Variants in ARMC9 observed in about 807,000 individuals in gnomAD.
ARMC9 encodes armadillo repeat containing 9, also known as lisH domain-containing protein ARMC9.
In ARMC9, 94 loss-of-function variants were observed where a neutral mutation model predicts 107.0. The ratio of observed to expected loss-of-function variants is 0.88; its 90% confidence interval spans 0.74 to 1.04. The LOEUF (loss-of-function observed/expected upper bound fraction) is 1.04. Among genes scored for constraint, ARMC9 ranks in the 50% least tolerant of loss-of-function variants. The pLI is 0.00. For synonymous variants in ARMC9, 380 were observed against 396.9 expected (o/e 0.96, Z 0.51); for missense variants, 942 against 1,030.1 (o/e 0.91, Z 1.17).
At chr2:231,313,358 A>G (rs2042463479) in intron 19 of ARMC9, among the ~76,000 whole-genome samples, 2 of 152,350 alleles carry the variant, frequency 1.3e-5, no homozygotes, top group South Asian at 2.1e-4. Flanking sequence ...GTCTTTTAAT[A>G]TAAAGTACTT....
At chr2:231,271,111 C>A in intron 13 of ARMC9, 39 bp downstream of exon 13, 1 of 1,590,430 alleles carries the variant, frequency 6.3e-7, no homozygotes, top group South Asian at 1.1e-5. Flanking sequence ...AGAGCTAGGT[C>A]ATATTGATGT....
chr2:231,222,139 G>GT, intron 5 of ARMC9, among the ~76,000 whole-genome samples: 1 of 152,206 alleles, frequency 6.6e-6, no homozygotes, highest in South Asian at 2.1e-4. Flanking sequence ...TACTTGTTAT[G>GT]TTTTTTCTTA....
intron 21 of ARMC9, among the ~76,000 whole-genome samples, chr2:231,348,179 G>A (rs1047767440): frequency 1.3e-5 from 2 of 152,168 alleles, no homozygotes; most frequent in Non-Finnish European, 2.9e-5. Flanking sequence ...GGATGATTCT[G>A]GATAATCTGG....
At chr2:231,223,618 C>T (rs774301163) in intron 6 of ARMC9, among the ~76,000 whole-genome samples, 44 of 152,170 alleles carry the variant, frequency 2.9e-4, no homozygotes, top group Non-Finnish European at 1.2e-4. Flanking sequence ...TACTTTGCTG[C>T]GTAATACCTT....
At chr2:231,306,732 C>A (rs897539355) in intron 19 of ARMC9, among the ~76,000 whole-genome samples, 1 of 151,516 alleles carries the variant, frequency 6.6e-6, no homozygotes, top group Non-Finnish European at 1.5e-5. Context: ...CCAAGTGAGG[C>A]CTAAGAACTC....
chr2:231,235,199 T>A (rs1028932418), intron 7 of ARMC9, 25 bp from the exon 8 acceptor site: 1 of 1,594,806 alleles, frequency 6.3e-7, no homozygotes, highest in Non-Finnish European at 8.5e-7. Context: ...TTTATTGATG[T>A]TGTTTGTTTT....
chr2:231,239,037 C>A (rs1296790177), intron 8 of ARMC9, among the ~76,000 whole-genome samples: 1 of 152,120 alleles, frequency 6.6e-6, no homozygotes, highest in East Asian at 1.9e-4. Context: ...GAAGTTCCCC[C>A]AGGTGGAATC....
In ARMC9 at chr2:231,208,183, A is replaced by G. The variant is rs1559286793; in HGVS notation, c.108A>G (p.Lys36=). 6.2e-7 allele frequency: 1 copy of G among 1,609,530 alleles called. No individual in the cohort carries two copies. Among genetic ancestry groups the G allele is most frequent in the Non-Finnish European group, 8.5e-7 (1 of 1,177,896 alleles). ...TGAAAACATTTTCAAAAGAATGCAA[A>G]ATAAAAGGAAAACCATTGTGTAAAA... The part of the protein sequence containing the change: ...DTLKTFSKEC[K]IKGKPLCKTV... The change falls in exon 3 of 25, where the codon AAA becomes AAG. Residue 36 remains lysine, a synonymous_variant. Transcript: ENST00000611582.
chr2:231,244,933 G>A (rs2036617585), intron 9 of ARMC9, among the ~76,000 whole-genome samples: 1 of 152,248 alleles, frequency 6.6e-6, no homozygotes, highest in Non-Finnish European at 1.5e-5. Context: ...CCTCTCTGGA[G>A]AGGAAGTCTC....
rs762171690 is a variant in ARMC9 at position 231,215,000 on chromosome 2, C to T, written c.347C>T (p.Pro116Leu). ...CTTTTGAAGTACTCTGTGGGGAGAC[C>T]GGTGGGTTTACCTGGTGATGCGGGT... is the stretch of plus-strand genomic sequence containing the variant. Reference protein sequence around the residue: ...IYLLKYSVGRPDKEELDEKIS... With the variant: ...IYLLKYSVGRLDKEELDEKIS... The change falls in exon 4 of 25, where the codon CCG (proline) becomes CTG (leucine). Residue 116 changes from proline to leucine, a missense_variant and splice_region_variant. By Grantham distance (98) the Pro-to-Leu change is moderately conservative. Transcript: ENST00000611582. 2.4e-5 allele frequency: 38 copies of T among 1,613,666 alleles called. 1 individual carries two copies. In the Admixed American group the frequency reaches 5.0e-4, roughly 21 times the overall value.
In ARMC9 at chr2:231,251,189, T is replaced by C. The variant is rs190683125; in HGVS notation, c.880-5397T>C. The stretch of plus-strand genomic sequence containing the variant: ...TGTTTCTTTTCCTTTTTTTTTGAGA[T>C]GGAGTCTGGCTCTGTCACCCAGGCT... On this transcript the variant is annotated intron_variant, in intron 9 of 24. Transcript: ENST00000611582. Among the ~76,000 whole-genome samples the C allele has an allele frequency of 4.1e-3, 620 of 152,080 alleles. 8 individuals carry two copies. The highest frequency in any genetic ancestry group is 0.013 in the African/African-American group (555 of 41,476).
intron 14 of ARMC9, 147 bp from the exon 15 acceptor site, chr2:231,276,489 C>CG: frequency 9.4e-7 from 1 of 1,068,770 alleles, no homozygotes; most frequent in South Asian, 1.6e-5. Context: ...AGGCTTGTCT[C>CG]CAACTCCTGA....
At chr2:231,230,330 G>T (rs2035092546) in intron 7 of ARMC9, among the ~76,000 whole-genome samples, 1 of 152,052 alleles carries the variant, frequency 6.6e-6, no homozygotes, top group Non-Finnish European at 1.5e-5. Context: ...CACTAGTCTA[G>T]GTGGCAAAGC....
intron 21 of ARMC9, among the ~76,000 whole-genome samples, chr2:231,354,232 C>T (rs903601716): frequency 3.6e-5 from 5 of 137,392 alleles, no homozygotes; most frequent in Admixed American, 2.3e-4. Flanking sequence ...AGTTCAAAAC[C>T]AGCCAAGTCA....
At chr2:231,347,297 C>G (rs972619930) in intron 21 of ARMC9, among the ~76,000 whole-genome samples, 8 of 152,186 alleles carry the variant, frequency 5.3e-5, no homozygotes, top group Admixed American at 5.2e-4. Flanking sequence ...CAGGTCTCAA[C>G]AAACATTTTT....
chr2:231,340,555 A>G (rs963211603), intron 20 of ARMC9, among the ~76,000 whole-genome samples: 1 of 152,176 alleles, frequency 6.6e-6, no homozygotes, highest in African/African-American at 2.4e-5. Context: ...TTGACTATGC[A>G]TGGAAGGTAC....
chr2:231,370,818 CA>C (rs2045988598), intron 24 of ARMC9: 2 of 270,994 alleles, frequency 7.4e-6, no homozygotes, highest in African/African-American at 2.3e-5. Flanking sequence ...AGGGCTTTAC[CA>C]AAACACAGGG....
rs3042595 is a variant in ARMC9, at chr2:231,255,180, AACACACACACACACACACACACAC to A, written c.880-1388_880-1365del. The stretch of plus-strand genomic sequence containing the variant: ...AGCACTACCTGTAGTGGCAAAAAGA[AACACACACACACACACACACACAC>A]ACACACACACACACACAAAATAAAT... On this transcript the variant is annotated intron_variant, in intron 9 of 24. Transcript: ENST00000611582. The surrounding 1 kb of genome is among the most constrained non-coding windows in gnomAD (Gnocchi z 4.7). Among the ~76,000 whole-genome samples the A allele has an allele frequency of 1.1e-4, 16 of 146,866 alleles. No individual in the cohort carries two copies. The South Asian group carries it at 3.5e-3, about 32-fold the overall frequency.
rs574611051 is a variant in ARMC9, at chr2:231,324,509, C to G, written c.1774-7284C>G. 2.5e-3 allele frequency among the ~76,000 whole-genome samples: 370 copies of G among 149,102 alleles called. 3 individuals carry two copies. Among genetic ancestry groups the G allele is most frequent in the South Asian group, 0.012 (54 of 4,640 alleles). ...GCTCACGCCTGTAATCCCAGCACTT[C>G]GGGAGGCCAAGGTGGGCAGATCACC... On this transcript the variant is annotated intron_variant, in intron 19 of 24. Coordinates refer to ENST00000611582, the MANE Select transcript of ARMC9 (RefSeq NM_001352754.2).
Sources: gnomAD v4.1 joint callset for allele counts (sites outside exome capture counted in the v4.1 genomes callset) on GRCh38, gnomAD v4.1.1 for gene constraint, Gnocchi (gnomAD v3.1) non-coding constraint, MANE v1.5 for transcripts, NCBI Gene and HGNC (gene_info 2026-07-23, HGNC 2026-07-21) for gene names.